SCUBE1: variants seen among roughly 807,000 people sequenced by gnomAD.
SCUBE1 encodes signal peptide, CUB domain and EGF like domain containing 1.
A neutral mutation model predicts 124.4 loss-of-function variants in SCUBE1; 59 were observed. The observed-to-expected ratio is 0.47, with a 90% CI of 0.38 to 0.59. SCUBE1 has a LOEUF of 0.59. Among genes scored for constraint, SCUBE1 ranks in the 20% least tolerant of loss-of-function variants. The pLI, the probability that SCUBE1 is intolerant of heterozygous loss-of-function variation, is 0.00. For missense variants in SCUBE1, 1,150 were observed against 1,371.2 expected (o/e 0.84, Z 2.55); for synonymous variants, 545 against 550.9 (o/e 0.99, Z 0.15).
chr22:43,302,020 A>G (rs1925791458), intron 3 of SCUBE1, among the ~76,000 whole-genome samples: 1 of 152,248 alleles, frequency 6.6e-6, no homozygotes, highest in Non-Finnish European at 1.5e-5. Context: ...GATGAGTGAC[A>G]GGAGCATGTG....
chr22:43,237,469 T>C (rs1049349046), intron 7 of SCUBE1: 2 of 152,196 alleles, frequency 1.3e-5, no homozygotes, highest in African/African-American at 4.8e-5. Context: ...ACCTTGGGCT[T>C]CCTCGGCCAG....
At chr22:43,231,722 G>A (rs735703) in intron 8 of SCUBE1, 31 bp downstream of exon 8, 182,047 of 1,549,474 alleles carry the variant, frequency 0.12, 14,986 homozygotes, top group East Asian at 0.34. Flanking sequence ...CGCTGGGCCC[G>A]AGAGCCACCC....
chr22:43,203,225 C>A lies in SCUBE1; in HGVS notation c.*772G>T, dbSNP rs893968386. Reference sequence around the variant, plus strand: ...AGAAACAGAAGGGCAAATGCAAATGCTGGGAGGAGCTGTTTAATCGTTCAG... The same window carrying A: ...AGAAACAGAAGGGCAAATGCAAATGATGGGAGGAGCTGTTTAATCGTTCAG... On this transcript the variant is annotated 3_prime_UTR_variant, in exon 22 of 22. Transcript: ENST00000360835. The A allele has an allele frequency of 6.6e-6, 1 of 152,142 alleles. No homozygotes were observed. The highest frequency in any genetic ancestry group is 6.5e-5 in the Admixed American group (1 of 15,280). The allele number at this position is 152,142 out of a possible 1,614,324, so 9.4% of individuals were successfully genotyped here.
At chr22:43,299,768 G>A (rs1394194850) in intron 3 of SCUBE1, among the ~76,000 whole-genome samples, 1 of 152,152 alleles carries the variant, frequency 6.6e-6, no homozygotes, top group Non-Finnish European at 1.5e-5. Flanking sequence ...GAGGACCTGT[G>A]CCCGTTTTCG....
At chr22:43,222,863 T>C in intron 11 of SCUBE1, 121 bp from the exon 12 acceptor site, 1 of 966,488 alleles carries the variant, frequency 1.0e-6, no homozygotes, top group Non-Finnish European at 1.5e-6. Context: ...CTTCTGCCAG[T>C]TTCTGCTACA....
Position 43,208,236 on chromosome 22 carries a change from G to C in SCUBE1, c.2582-12C>G. On this transcript the variant is annotated splice_polypyrimidine_tract_variant and intron_variant, in intron 19 of 21. Transcript: ENST00000360835. ...GGACGTGGGAGAGGCTGCGGGTGAAGCATCATTGCTGAGCTGCCACAGGTA... is the reference window on the plus strand; with the variant it reads ...GGACGTGGGAGAGGCTGCGGGTGAACCATCATTGCTGAGCTGCCACAGGTA... The C allele has an allele frequency of 6.2e-7, 1 of 1,613,542 alleles. No homozygotes were observed. Among genetic ancestry groups the C allele is most frequent in the South Asian group, 1.1e-5 (1 of 91,072 alleles).
chr22:43,214,311 C>T lies in SCUBE1; in HGVS notation c.1892-60G>A, dbSNP rs998158169. 2.5e-5 allele frequency: 38 copies of T among 1,533,228 alleles called. No homozygotes were observed. The African/African-American group carries it at 4.8e-4, about 19-fold the overall frequency. 95.0% of individuals were successfully genotyped at this position (1,533,228 alleles called of 1,614,324 possible). On this transcript the variant is annotated intron_variant, in intron 15 of 21. Coordinates refer to ENST00000360835, the MANE Select transcript of SCUBE1 (RefSeq NM_173050.5). ...GAGGTGGGGAGGCCAGGGGTGTCTCCTGTGTGCTCAAGCCCAGGCTCTCCT... is the reference window on the plus strand; with the variant it reads ...GAGGTGGGGAGGCCAGGGGTGTCTCTTGTGTGCTCAAGCCCAGGCTCTCCT...
chr22:43,290,099 C>A (rs999977936), intron 4 of SCUBE1, among the ~76,000 whole-genome samples: 2 of 152,200 alleles, frequency 1.3e-5, no homozygotes, highest in African/African-American at 2.4e-5. Context: ...TCCTGCCCTG[C>A]CCTCACAGCA....
chr22:43,228,966 C>A (rs904452029), intron 9 of SCUBE1, 106 bp downstream of exon 9: 5 of 799,984 alleles, frequency 6.3e-6, no homozygotes, highest in Admixed American at 6.1e-5. Context: ...GGCCTCAGGC[C>A]CCCCAGGGTT....
At chr22:43,305,099 C>T (rs1160163469) in intron 3 of SCUBE1, among the ~76,000 whole-genome samples, 4 of 152,220 alleles carry the variant, frequency 2.6e-5, no homozygotes, top group East Asian at 1.9e-4. Flanking sequence ...TCCATCTTGG[C>T]GACGTGATTC....
At chr22:43,304,521 C>T (rs917695835) in intron 3 of SCUBE1, among the ~76,000 whole-genome samples, 1 of 40,652 alleles carries the variant, frequency 2.5e-5, no homozygotes, top group Non-Finnish European at 5.1e-5. Flanking sequence ...AGGCAGAGAG[C>T]GTCTCTCTAA....
intron 21 of SCUBE1, 144 bp from the exon 22 acceptor site, chr22:43,204,293 A>G: frequency 1.5e-6 from 1 of 657,530 alleles, no homozygotes; most frequent in East Asian, 2.8e-5. Context: ...TTAATAGTAT[A>G]ACTGGTTTTT....
intron 2 of SCUBE1, among the ~76,000 whole-genome samples, chr22:43,334,656 A>G (rs1235833746): frequency 1.3e-5 from 2 of 152,012 alleles, no homozygotes; most frequent in East Asian, 3.9e-4. Flanking sequence ...CATCAACATT[A>G]TCATCACCAC....
In SCUBE1 at chr22:43,223,183, G is replaced by A. The variant is rs770173695; in HGVS notation, c.1241C>T (p.Ser414Phe). ...GCTGCAGGACAGCTGGGCCCGGGGG[G>A]AGGTCTTGGCGCGAGAAAGACACTT... ...TGKCLSRAKT[S>F]PRAQLSCSKA... Residue 414 changes from serine (S) to phenylalanine (F), a missense_variant, in exon 11 of 22, where the codon TCC (serine) becomes TTC (phenylalanine). This residue lies in a region of SCUBE1 where 757 missense variants were observed against 840.9 expected (regional missense o/e 0.90). Coordinates refer to ENST00000360835, the MANE Select transcript of SCUBE1 (RefSeq NM_173050.5). 3 of 1,573,500 alleles carry A rather than the reference G, an allele frequency of 1.9e-6. No homozygotes were observed. Among genetic ancestry groups the A allele is most frequent in the Non-Finnish European group, 2.6e-6 (3 of 1,168,308 alleles).
At chr22:43,333,016 C>T (rs1429794776) in intron 2 of SCUBE1, among the ~76,000 whole-genome samples, 5 of 152,182 alleles carry the variant, frequency 3.3e-5, no homozygotes, top group African/African-American at 1.2e-4. Flanking sequence ...CTGACAGGTC[C>T]CAGATCCGGT....
At position 43,320,047 on chromosome 22, in the gene SCUBE1, T is replaced by A. The variant is rs1339117237; in HGVS notation, c.239A>T (p.Asn80Ile). The A allele has an allele frequency of 6.2e-7, 1 of 1,614,044 alleles. No homozygotes were observed. Among genetic ancestry groups the A allele is most frequent in the South Asian group, 1.1e-5 (1 of 91,066 alleles). ...KQCEDIDECE[N>I]DYYNGGCVHE... ...GACACAGCCCCCATTGTAGTAGTCA[T>A]TCTCACACTCGTCAATGTCTGCAAA... is the stretch of plus-strand genomic sequence containing the variant. The change falls in exon 3 of 22, where the codon AAT becomes ATT. Residue 80 changes from asparagine to isoleucine, a missense_variant. By Grantham distance (149) the Asn-to-Ile change is moderately radical (BLOSUM62 -3). This residue lies in a region of SCUBE1 where 337 missense variants were observed against 482.1 expected (regional missense o/e 0.70). Coordinates refer to ENST00000360835, the MANE Select transcript of SCUBE1 (RefSeq NM_173050.5).
Position 43,198,135 on chromosome 22 carries a change from G to A in SCUBE1, c.*5862C>T, listed in dbSNP as rs1422572362. The stretch of plus-strand genomic sequence containing the variant: ...GGTCTTAACCCCACCATCTACATGG[G>A]GCTGGGGGGATGGAATGTGTGGATA... On this transcript the variant is annotated 3_prime_UTR_variant, in exon 22 of 22. Coordinates refer to ENST00000360835, the MANE Select transcript of SCUBE1 (RefSeq NM_173050.5). 4.6e-6 allele frequency: 1 copy of A among 216,222 alleles called. No individual in the cohort carries two copies. Among genetic ancestry groups the A allele is most frequent in the Admixed American group, 5.2e-5 (1 of 19,212 alleles). 13.4% of individuals were successfully genotyped at this position (216,222 alleles called of 1,614,324 possible).
At chr22:43,214,047 G>GGCCCCCCCC in intron 16 of SCUBE1, 43 bp downstream of exon 16, 1 of 143,438 alleles carries the variant, frequency 7.0e-6, no homozygotes, top group Admixed American at 1.2e-4. Flanking sequence ...AGGAGCCCCC[G>GGCCCCCCCC]CCCACCCCCC....
intron 21 of SCUBE1, among the ~76,000 whole-genome samples, chr22:43,205,837 C>G (rs1921231991): frequency 9.1e-6 from 1 of 109,618 alleles, no homozygotes; most frequent in African/African-American, 4.1e-5. Context: ...CCACACACAC[C>G]ACACACCCAC....
Sources: allele counts gnomAD v4.1 joint callset (sites outside exome capture counted in the v4.1 genomes callset), GRCh38; gene constraint gnomAD v4.1.1; regional missense constraint gnomAD v4.1.1; transcripts MANE v1.5; gene names NCBI Gene and HGNC (gene_info 2026-07-23, HGNC 2026-07-21).